The following GPC6 variants were observed in gnomAD, a reference collection of about 807,000 sequenced individuals.
GPC6 encodes the protein glypican 6, also known as glypican-6.
In GPC6, 14 loss-of-function variants were observed where a neutral mutation model predicts 55.2. The observed-to-expected ratio is 0.25, with a 90% confidence interval of 0.17 to 0.40. GPC6 has a LOEUF of 0.40. GPC6 is among the 10% of genes least tolerant of loss of function. The pLI is 1.00. For synonymous variants in GPC6, 278 were observed against 259.6 expected (o/e 1.07, Z -0.68); for missense variants, 641 against 708.5 (o/e 0.90, Z 1.08).
intron 4 of GPC6, among the ~76,000 whole-genome samples, chr13:94,055,694 TG>T (rs935816727): frequency 2.0e-5 from 3 of 152,180 alleles, no homozygotes; most frequent in Non-Finnish European, 1.5e-5. Flanking sequence ...TTTTGCAACC[TG>T]GAATTTACTG....
chr13:94,345,604 G>A (rs781527213), intron 6 of GPC6, among the ~76,000 whole-genome samples: 6 of 152,104 alleles, frequency 3.9e-5, no homozygotes, highest in Non-Finnish European at 8.8e-5. Flanking sequence ...TGAAAAACAC[G>A]TGGGTCTAAG....
intron 1 of GPC6, among the ~76,000 whole-genome samples, chr13:93,464,438 A>T (rs189204335): frequency 6.6e-6 from 1 of 152,284 alleles, no homozygotes; most frequent in African/African-American, 2.4e-5. Flanking sequence ...TGTTCTAAAT[A>T]TTTTGTTGTC....
chr13:93,851,227 G>A (rs1888383412), intron 3 of GPC6, among the ~76,000 whole-genome samples: 2 of 152,028 alleles, frequency 1.3e-5, no homozygotes, highest in South Asian at 2.1e-4. Context: ...TGCTGGCAGA[G>A]CCAGACATCT....
chr13:93,824,316 TGAG>T (rs1887158473), intron 2 of GPC6, among the ~76,000 whole-genome samples: 1 of 152,240 alleles, frequency 6.6e-6, no homozygotes, highest in South Asian at 2.1e-4. Context: ...GATGACTTAT[TGAG>T]TGGAAGAAGG....
At chr13:94,160,274 A>G (rs1888110437) in intron 4 of GPC6, among the ~76,000 whole-genome samples, 1 of 152,226 alleles carries the variant, frequency 6.6e-6, no homozygotes, top group African/African-American at 2.4e-5. Context: ...AATGTAGTAT[A>G]CATAGGGTTT....
At chr13:94,272,659 A>T (rs372245505) in intron 4 of GPC6, among the ~76,000 whole-genome samples, 2 of 151,492 alleles carry the variant, frequency 1.3e-5, no homozygotes, top group Non-Finnish European at 2.9e-5. Flanking sequence ...TGGTAGAGAC[A>T]GGGTTTCACC....
intron 2 of GPC6, among the ~76,000 whole-genome samples, chr13:93,597,854 G>T (rs1594299303): frequency 6.6e-6 from 1 of 152,144 alleles, no homozygotes; most frequent in East Asian, 1.9e-4. Flanking sequence ...GGAGTCAAAA[G>T]TTATATGTGG....
rs1041713586 is a variant in GPC6, at chr13:93,227,990, C to T, written c.160+374C>T. On this transcript the variant is annotated intron_variant, in intron 1 of 8. Coordinates refer to ENST00000377047, the MANE Select transcript of GPC6 (RefSeq NM_005708.5). The surrounding 1 kb of genome is among the most constrained non-coding windows in gnomAD (Gnocchi z 4.3). ...CGGGCGCTCACTCCGCGTTCTGGTT[C>T]GGGCAAACTTGGAAGAACTGCGACC... Among the ~76,000 whole-genome samples, 1 of 152,142 alleles carries T rather than the reference C, an allele frequency of 6.6e-6. No individual in the cohort carries two copies. The highest frequency in any genetic ancestry group is 6.5e-5 in the Admixed American group (1 of 15,288).
intron 4 of GPC6, among the ~76,000 whole-genome samples, chr13:94,189,131 G>A (rs1594039118): frequency 6.6e-6 from 1 of 152,234 alleles, no homozygotes; most frequent in East Asian, 1.9e-4. Flanking sequence ...AGAAATTCAG[G>A]AAACTGCTTA....
chr13:94,380,327 A>ATGAG (rs2139205281), intron 6 of GPC6, among the ~76,000 whole-genome samples: 1 of 152,350 alleles, frequency 6.6e-6, no homozygotes, highest in South Asian at 2.1e-4. Flanking sequence ...AAGAGTAAGA[A>ATGAG]TGAGTGGCCT....
chr13:94,225,747 G>A (rs1890536366), intron 4 of GPC6, among the ~76,000 whole-genome samples: 1 of 151,720 alleles, frequency 6.6e-6, no homozygotes, highest in Non-Finnish European at 1.5e-5. Context: ...TTAATCAGCT[G>A]ATGAAAACGT....
At chr13:93,532,817 T>A (rs1881920320) in intron 1 of GPC6, among the ~76,000 whole-genome samples, 1 of 152,214 alleles carries the variant, frequency 6.6e-6, no homozygotes, top group Admixed American at 6.5e-5. Flanking sequence ...TCTCTCTGCA[T>A]AACCATTGGA....
chr13:93,547,858 G>A (rs1321931949), intron 2 of GPC6, among the ~76,000 whole-genome samples: 1 of 151,866 alleles, frequency 6.6e-6, no homozygotes, highest in Non-Finnish European at 1.5e-5. Flanking sequence ...ATTTTCTCTG[G>A]GCAGATTCAT....
chr13:93,657,497 C>G (rs1443580546), intron 2 of GPC6, among the ~76,000 whole-genome samples: 7 of 151,826 alleles, frequency 4.6e-5, no homozygotes, highest in Non-Finnish European at 1.0e-4. Context: ...CTATAAAAAC[C>G]CTAGAAGAAA....
intron 7 of GPC6, among the ~76,000 whole-genome samples, chr13:94,382,752 G>A (rs1245533063): frequency 2.6e-5 from 4 of 152,216 alleles, no homozygotes; most frequent in Non-Finnish European, 5.9e-5. Context: ...ATTAAGCGTG[G>A]AATCCTCATT....
At chr13:93,661,162 C>T (rs1203330580) in intron 2 of GPC6, among the ~76,000 whole-genome samples, 1 of 152,146 alleles carries the variant, frequency 6.6e-6, no homozygotes, top group Admixed American at 6.5e-5. Context: ...GACAAGTGTT[C>T]TGCTATGGTA....
At chr13:93,339,208 G>C (rs1880150724) in intron 1 of GPC6, among the ~76,000 whole-genome samples, 1 of 152,002 alleles carries the variant, frequency 6.6e-6, no homozygotes, top group Admixed American at 6.6e-5. Context: ...TCCTCTATCT[G>C]ATGGTCTTTA....
rs10709473 is a variant in GPC6 at position 93,597,007 on chromosome 13, C to CAAAAAAAAAA, written c.319+51600_319+51609dup. ...AACTTATATTTTAGTTCAAATCTGGCAAAAAAAAAAAAAAAAAAAAAAAGA... is the reference window on the plus strand; with the variant it reads ...AACTTATATTTTAGTTCAAATCTGGCAAAAAAAAAAAAAAAAAAAAAAAAAAAAAAAAAGA... On this transcript the variant is annotated intron_variant, in intron 2 of 8. Transcript: ENST00000377047. Among the ~76,000 whole-genome samples the CAAAAAAAAAA allele has an allele frequency of 9.9e-3, 660 of 66,802 alleles. 2 individuals are homozygous for CAAAAAAAAAA. The highest frequency in any genetic ancestry group is 0.018 in the Non-Finnish European group (514 of 28,024). The allele number at this position is 66,802 out of a possible 152,430, so 43.8% of individuals were successfully genotyped here.
At chr13:94,051,957 A>T (rs1015272152) in intron 4 of GPC6, among the ~76,000 whole-genome samples, 2 of 152,226 alleles carry the variant, frequency 1.3e-5, no homozygotes, top group African/African-American at 4.8e-5. Context: ...TGCCTGCTAG[A>T]TATGCTACCA....
Sources: allele counts gnomAD v4.1 joint callset (sites outside exome capture counted in the v4.1 genomes callset), GRCh38; gene constraint gnomAD v4.1.1; non-coding constraint Gnocchi (gnomAD v3.1); transcripts MANE v1.5; gene names NCBI Gene and HGNC (gene_info 2026-07-23, HGNC 2026-07-21).